The following FAAH2 variants were observed in gnomAD, a reference collection of about 807,000 sequenced individuals.
The protein encoded by FAAH2 is fatty-acid amide hydrolase 2.
Under a neutral mutation model 36.9 loss-of-function variants are expected in FAAH2, and 60 were observed. The observed-to-expected ratio is 1.63, with a 90% confidence interval of 1.32 to 2.02. FAAH2 has a LOEUF of 2.02. Among genes scored for constraint, FAAH2 ranks in the 30% most tolerant of loss-of-function variants. The pLI is 0.00. For synonymous variants in FAAH2, 214 were observed against 143.8 expected, an observed-to-expected ratio of 1.49 and a Z score of -3.49; for missense variants, 689 against 397.5, an observed-to-expected ratio of 1.73 and a Z score of -6.23.
intron 10 of FAAH2, chrX:57,452,470 C>T: frequency 4.2e-6 from 1 of 237,699 alleles, no homozygotes; most frequent in Non-Finnish European, 6.0e-6. Flanking sequence ...ATAAGCTAGA[C>T]ACACAAAATG....
chrX:57,408,457 G>T (rs1410776620), intron 7 of FAAH2, among the ~76,000 whole-genome samples: 1 of 110,825 alleles, frequency 9.0e-6, no homozygotes, highest in Non-Finnish European at 1.9e-5. Flanking sequence ...AACATTTTAT[G>T]TGAAATATTA....
At chrX:57,260,877 A>G in the FAAH2 span, among the ~76,000 whole-genome samples, 1 of 111,685 alleles carries the variant, frequency 9.0e-6, no homozygotes, top group East Asian at 2.8e-4. Context: ...GCGGCTAAAA[A>G]GTAAAAAATG....
chrX:57,292,511 A>G lies in FAAH2; in HGVS notation c.206A>G (p.Asp69Gly). 2 of 1,208,638 alleles carry G rather than the reference A, an allele frequency of 1.7e-6. No individual in the cohort carries two copies. Among genetic ancestry groups the G allele is most frequent in the Non-Finnish European group, 2.2e-6 (2 of 893,478 alleles). ...LIRQRKVKCI[D>G]VVQAYINRIK... ...TGTATTTTGCAGGTGAAATGTATAG[A>G]TGTTGTTCAGGCTTATATCAACAGA... The change falls in exon 2 of 11, where the codon GAT becomes GGT. Residue 69 changes from aspartate (D) to glycine (G), a missense_variant. Coordinates refer to ENST00000374900, the MANE Select transcript of FAAH2 (RefSeq NM_174912.4).
At chrX:57,200,524 A>G in the FAAH2 span, among the ~76,000 whole-genome samples, 3 of 110,186 alleles carry the variant, frequency 2.7e-5, no homozygotes, top group African/African-American at 9.9e-5. Flanking sequence ...AATTACAGGC[A>G]TGTACCACCA....
chrX:57,419,551 T>A (rs771680970), intron 7 of FAAH2, among the ~76,000 whole-genome samples: 1 of 112,060 alleles, frequency 8.9e-6, no homozygotes, highest in South Asian at 3.7e-4. Flanking sequence ...CTTCGCCCAC[T>A]TTTTGATGGG....
At chrX:57,296,453 C>T (rs1232956183) in intron 2 of FAAH2, among the ~76,000 whole-genome samples, 3 of 111,294 alleles carry the variant, frequency 2.7e-5, no homozygotes, top group East Asian at 2.8e-4. Flanking sequence ...TCCATCTGTA[C>T]GTCACCATCA....
At chrX:57,312,999 G>C (rs1359452236) in intron 3 of FAAH2, among the ~76,000 whole-genome samples, 1 of 111,114 alleles carries the variant, frequency 9.0e-6, no homozygotes, top group Non-Finnish European at 1.9e-5. Context: ...CCAGTAAAAT[G>C]ATCCAAGAGA....
chrX:57,410,466 G>A (rs1348050506), intron 7 of FAAH2, among the ~76,000 whole-genome samples: 3 of 111,663 alleles, frequency 2.7e-5, no homozygotes, highest in Non-Finnish European at 5.7e-5. Flanking sequence ...GAGTGTTGAA[G>A]TACTGTACAA....
chrX:57,445,183 C>G (rs1316133170), intron 8 of FAAH2, among the ~76,000 whole-genome samples: 1 of 111,742 alleles, frequency 8.9e-6, no homozygotes, highest in Non-Finnish European at 1.9e-5. Context: ...AGTGTGTTTT[C>G]ACTGAATCCA....
the FAAH2 span, among the ~76,000 whole-genome samples, chrX:57,224,637 T>C: frequency 1.3e-4 from 15 of 111,968 alleles, no homozygotes; most frequent in African/African-American, 4.9e-4. Flanking sequence ...CCCCTGAAGA[T>C]CAAGAAAGAA....
chrX:57,302,439 C>A (rs773860268), intron 2 of FAAH2, among the ~76,000 whole-genome samples: 1 of 111,535 alleles, frequency 9.0e-6, no homozygotes, highest in East Asian at 2.8e-4. Context: ...AAGATAAACA[C>A]AACAGTCCCT....
chrX:57,373,275 T>C (rs2054595794), intron 5 of FAAH2, among the ~76,000 whole-genome samples: 1 of 111,437 alleles, frequency 9.0e-6, no homozygotes, highest in Non-Finnish European at 1.9e-5. Context: ...AAATGGTAAA[T>C]CTACTTTTAG....
intron 10 of FAAH2, among the ~76,000 whole-genome samples, chrX:57,480,909 A>G (rs1194840287): frequency 9.3e-6 from 1 of 107,028 alleles, no homozygotes; most frequent in African/African-American, 3.4e-5. Flanking sequence ...ACATAGTCCC[A>G]TATTTCTTGG....
At chrX:57,311,007 A>G (rs189093135) in intron 3 of FAAH2, among the ~76,000 whole-genome samples, 51 of 111,967 alleles carry the variant, frequency 4.6e-4, no homozygotes, top group Non-Finnish European at 1.9e-4. Context: ...CATTTTTCAG[A>G]TAAGAAAATT....
chrX:57,406,199 T>A (rs1213907180), intron 7 of FAAH2, among the ~76,000 whole-genome samples: 1 of 112,126 alleles, frequency 8.9e-6, no homozygotes, highest in East Asian at 2.8e-4. Flanking sequence ...GGGCTCTGTA[T>A]GAGTTCTTTG....
At chrX:57,156,979 G>A in the FAAH2 span, among the ~76,000 whole-genome samples, 1 of 112,287 alleles carries the variant, frequency 8.9e-6, no homozygotes, top group Admixed American at 9.4e-5. Context: ...GCCAGAACTT[G>A]TTCTATCCCA....
the FAAH2 span, among the ~76,000 whole-genome samples, chrX:57,234,897 G>A: frequency 9.0e-6 from 1 of 111,503 alleles, no homozygotes; most frequent in African/African-American, 3.3e-5. Flanking sequence ...AATTAACCGA[G>A]CATGGTGGTG....
At chrX:57,424,032 G>A (rs373945560) in intron 7 of FAAH2, among the ~76,000 whole-genome samples, 2 of 111,565 alleles carry the variant, frequency 1.8e-5, no homozygotes, top group African/African-American at 6.5e-5. Context: ...GACATCTGCT[G>A]CCTTCATTGC....
chrX:57,426,953 GAA>G (rs2056176609), intron 7 of FAAH2, among the ~76,000 whole-genome samples: 1 of 110,806 alleles, frequency 9.0e-6, no homozygotes, highest in Non-Finnish European at 1.9e-5. Flanking sequence ...GCAATGAAAT[GAA>G]GTTTATTTAA....
Sources: allele counts gnomAD v4.1 joint callset (sites outside exome capture counted in the v4.1 genomes callset), GRCh38; gene constraint gnomAD v4.1.1; transcripts MANE v1.5; gene names NCBI Gene and HGNC (gene_info 2026-07-23, HGNC 2026-07-21).